SHLD1: variants seen among roughly 807,000 people sequenced by gnomAD.
SHLD1 encodes shieldin complex subunit 1, also known as RINN1-REV7-interacting novel NHEJ regulator 3.
A neutral mutation model predicts 5.5 loss-of-function variants in SHLD1; 3 were observed. The ratio of observed to expected loss-of-function variants is 0.54; its 90% confidence interval spans 0.25 to 1.40. SHLD1 has a LOEUF of 1.40. Ranked by LOEUF, SHLD1 falls within the 40% of genes most tolerant of loss-of-function variation. SHLD1 has a pLI of 0.15. For synonymous variants in SHLD1, 92 were observed against 94.3 expected (o/e 0.98, Z 0.14); for missense variants, 210 against 244.4 (o/e 0.86, Z 0.94).
chr20:5,809,732 T>G (rs182680357), intron 2 of SHLD1, among the ~76,000 whole-genome samples: 1 of 152,126 alleles, frequency 6.6e-6, no homozygotes, highest in African/African-American at 2.4e-5. Context: ...GGAGACATTT[T>G]TGGTTGTTAA....
chr20:5,832,441 C>T (rs954759634), intron 2 of SHLD1, among the ~76,000 whole-genome samples: 1 of 152,038 alleles, frequency 6.6e-6, no homozygotes, highest in Non-Finnish European at 1.5e-5. Flanking sequence ...TAACTCAGCT[C>T]CTCTTATTCA....
intron 2 of SHLD1, among the ~76,000 whole-genome samples, chr20:5,857,562 A>C (rs1287403229): frequency 1.3e-5 from 2 of 152,150 alleles, no homozygotes; most frequent in Non-Finnish European, 2.9e-5. Flanking sequence ...TAATCTCAGC[A>C]CTTTGGGAGG....
intron 2 of SHLD1, among the ~76,000 whole-genome samples, chr20:5,824,338 CT>C (rs909519932): frequency 6.6e-6 from 1 of 152,228 alleles, no homozygotes; most frequent in Non-Finnish European, 1.5e-5. Context: ...CAACCTGGGC[CT>C]CCATTCACCT....
At chr20:5,862,169 C>G (rs1449171592) in intron 2 of SHLD1, among the ~76,000 whole-genome samples, 5 of 152,200 alleles carry the variant, frequency 3.3e-5, no homozygotes, top group Non-Finnish European at 7.3e-5. Flanking sequence ...AGCTTCAACA[C>G]GTGAATTTTT....
At position 5,763,366 on chromosome 20, in the gene SHLD1, G is replaced by C. The variant is rs1984588981; in HGVS notation, c.-4-9496G>C. Among the ~76,000 whole-genome samples, 3 of 151,200 alleles carry C rather than the reference G, an allele frequency of 2.0e-5. 1 individual carries two copies. In the South Asian group the frequency reaches 6.3e-4, roughly 32 times the overall value. ...ATTGTAAAAGGAAAATAAAAAGTCA[G>C]GACCCCAGTTGACTCTGCCAAAAGG... On this transcript the variant is annotated intron_variant, in intron 1 of 2. Coordinates refer to ENST00000303142, the MANE Select transcript of SHLD1 (RefSeq NM_152504.4).
At chr20:5,827,682 C>T (rs948781001) in intron 2 of SHLD1, among the ~76,000 whole-genome samples, 1 of 152,210 alleles carries the variant, frequency 6.6e-6, no homozygotes, top group Non-Finnish European at 1.5e-5. Flanking sequence ...CCAGGAGTGC[C>T]TTTCCCTCCT....
intron 2 of SHLD1, among the ~76,000 whole-genome samples, chr20:5,790,101 C>A (rs915500902): frequency 1.3e-5 from 2 of 152,148 alleles, no homozygotes; most frequent in African/African-American, 4.8e-5. Context: ...GCCTGGGAAG[C>A]CTCTTTGTTC....
intron 2 of SHLD1, among the ~76,000 whole-genome samples, chr20:5,854,039 C>A (rs978397108): frequency 6.7e-6 from 1 of 148,920 alleles, no homozygotes; most frequent in Non-Finnish European, 1.5e-5. Context: ...GAGTTTTGCT[C>A]TTGTTGCCCA....
chr20:5,779,876 G>A (rs1393701036), intron 2 of SHLD1, among the ~76,000 whole-genome samples: 1 of 152,016 alleles, frequency 6.6e-6, no homozygotes, highest in Non-Finnish European at 1.5e-5. Context: ...GGGTCTAAGG[G>A]TGAACTTGGG....
intron 2 of SHLD1, among the ~76,000 whole-genome samples, chr20:5,814,783 C>T (rs556774293): frequency 1.3e-5 from 2 of 151,604 alleles, no homozygotes; most frequent in Non-Finnish European, 2.9e-5. Flanking sequence ...TCATCTCAGC[C>T]TCCTGAGTAG....
chr20:5,844,787 A>ATTTTTTT (rs1428765852), intron 2 of SHLD1, among the ~76,000 whole-genome samples: 1 of 102,286 alleles, frequency 9.8e-6, no homozygotes, highest in African/African-American at 5.5e-5. Context: ...ATATATATAT[A>ATTTTTTT]TATATATATA....
chr20:5,818,851 G>C (rs1317590952), intron 2 of SHLD1, among the ~76,000 whole-genome samples: 1 of 151,962 alleles, frequency 6.6e-6, no homozygotes. Context: ...CTGCCATGCA[G>C]TGTCCACTTC....
intron 2 of SHLD1, among the ~76,000 whole-genome samples, chr20:5,794,869 A>G (rs1401614400): frequency 6.6e-6 from 1 of 152,074 alleles, no homozygotes; most frequent in Non-Finnish European, 1.5e-5. Flanking sequence ...CAGTGAGAAC[A>G]CAGGATTCCT....
chr20:5,843,467 G>A (rs989084748), intron 2 of SHLD1, among the ~76,000 whole-genome samples: 4 of 151,462 alleles, frequency 2.6e-5, no homozygotes, highest in Non-Finnish European at 4.4e-5. Flanking sequence ...TTTTTCTCTG[G>A]TGGCGTAACT....
At position 5,851,612 on chromosome 20, in the gene SHLD1, AAAG is replaced by A. The variant is rs575940905; in HGVS notation, c.179-11406_179-11404del. Among the ~76,000 whole-genome samples, 145 of 152,146 alleles carry A rather than the reference AAAG, an allele frequency of 9.5e-4. 1 individual carries two copies. The highest frequency in any genetic ancestry group is 9.5e-3 in the South Asian group (46 of 4,830). On this transcript the variant is annotated intron_variant, in intron 2 of 2. Transcript: ENST00000303142. ...GCTATAGTTTAAAACATAAAACAAA[AAAG>A]AAGAAAAAATAAAAACCTAAACTAT... is the stretch of plus-strand genomic sequence containing the variant.
intron 2 of SHLD1, among the ~76,000 whole-genome samples, chr20:5,859,777 G>C (rs565086173): frequency 6.6e-6 from 1 of 152,280 alleles, no homozygotes; most frequent in Non-Finnish European, 1.5e-5. Flanking sequence ...GTATGTCATT[G>C]GTCTTCTGAA....
chr20:5,801,729 CA>C (rs1170147857), intron 2 of SHLD1, among the ~76,000 whole-genome samples: 1 of 152,096 alleles, frequency 6.6e-6, no homozygotes, highest in Non-Finnish European at 1.5e-5. Context: ...GGACCCTGTA[CA>C]AAAGACAGAG....
At chr20:5,817,332 G>T (rs1361815000) in intron 2 of SHLD1, among the ~76,000 whole-genome samples, 3 of 151,316 alleles carry the variant, frequency 2.0e-5, no homozygotes, top group African/African-American at 7.3e-5. Flanking sequence ...ATGGCAGGCA[G>T]TTAAATTACT....
chr20:5,768,443 C>CA (rs1438690141), intron 1 of SHLD1, among the ~76,000 whole-genome samples: 1 of 152,220 alleles, frequency 6.6e-6, no homozygotes, highest in African/African-American at 2.4e-5. Flanking sequence ...TGTCTTGACT[C>CA]ACTGTGTTAA....
Sources: allele counts gnomAD v4.1 joint callset (sites outside exome capture counted in the v4.1 genomes callset), GRCh38; gene constraint gnomAD v4.1.1; transcripts MANE v1.5; gene names NCBI Gene and HGNC (gene_info 2026-07-23, HGNC 2026-07-21).